The following KIAA1217 variants were observed in gnomAD, a reference collection of about 807,000 sequenced individuals.
The protein encoded by KIAA1217 is sickle tail protein homolog.
In KIAA1217, 88 loss-of-function variants were observed where a neutral mutation model predicts 163.9. The ratio of observed to expected loss-of-function variants is 0.54; its 90% CI spans 0.45 to 0.64. The LOEUF is 0.64. KIAA1217 is among the 30% of genes least tolerant of loss of function. KIAA1217 has a pLI of 0.00. For missense variants in KIAA1217, 2,372 were observed against 2,475.0 expected, an observed-to-expected ratio of 0.96 and a Z score of 0.88; for synonymous variants, 903 against 923.1, an observed-to-expected ratio of 0.98 and a Z score of 0.39.
intron 7 of KIAA1217, 27 bp from the exon 8 acceptor site, chr10:24,495,120 A>C (rs1182956572): frequency 6.3e-7 from 1 of 1,598,196 alleles, no homozygotes; most frequent in South Asian, 1.1e-5. Flanking sequence ...GAAACTGCAT[A>C]GCTGACTCTC....
At chr10:24,260,889 T>C (rs1474386857) in intron 2 of KIAA1217, among the ~76,000 whole-genome samples, 1 of 152,172 alleles carries the variant, frequency 6.6e-6, no homozygotes, top group African/African-American at 2.4e-5. Flanking sequence ...CTGTTCTGTC[T>C]GTGAATAGAG....
intron 2 of KIAA1217, among the ~76,000 whole-genome samples, chr10:24,248,702 CCTCATACCTAAACCTTACCT>C (rs947307124): frequency 3.4e-5 from 5 of 146,170 alleles, no homozygotes; most frequent in African/African-American, 1.0e-4. Context: ...AAAAAATGTC[CCTCATACCTAAACCTTACCT>C]CTTGCTAATT....
chr10:24,180,420 G>A (rs902511880), intron 2 of KIAA1217, among the ~76,000 whole-genome samples: 2 of 151,458 alleles, frequency 1.3e-5, no homozygotes, highest in South Asian at 2.1e-4. Context: ...CTGAGTATCT[G>A]GGATTAAAGG....
chr10:23,968,327 T>A (rs982705722), intron 1 of KIAA1217, among the ~76,000 whole-genome samples: 6 of 152,232 alleles, frequency 3.9e-5, no homozygotes, highest in Non-Finnish European at 8.8e-5. Context: ...TGAATGAAGT[T>A]GATGGGTATA....
chr10:23,897,811 T>C (rs1171367608), intron 1 of KIAA1217, among the ~76,000 whole-genome samples: 1 of 152,222 alleles, frequency 6.6e-6, no homozygotes, highest in Middle Eastern at 3.4e-3. Flanking sequence ...TTATATAAAA[T>C]GTAAATCTTC....
rs749524807 is a variant in KIAA1217 at position 24,212,729 on chromosome 10, A to G, written c.70+3466A>G. 1.1e-4 allele frequency among the ~76,000 whole-genome samples: 16 copies of G among 152,294 alleles called. No individual in the cohort carries two copies. The South Asian group carries it at 1.4e-3, about 14-fold the overall frequency. ...CCATAACGTTCATTTCTATCATTGC[A>G]TTCTCTCTTGTGTCTGCCTGTGTAT... On this transcript the variant is annotated intron_variant, in intron 1 of 20. Coordinates refer to ENST00000376454, the MANE Select transcript of KIAA1217 (RefSeq NM_019590.5).
intron 1 of KIAA1217, among the ~76,000 whole-genome samples, chr10:23,856,812 G>A (rs1195121618): frequency 1.3e-5 from 2 of 152,260 alleles, no homozygotes; most frequent in Admixed American, 6.5e-5. Context: ...GACACTGCCA[G>A]CCATGTGCGG....
chr10:23,998,382 A>G (rs910847276), intron 1 of KIAA1217, among the ~76,000 whole-genome samples: 2 of 152,212 alleles, frequency 1.3e-5, no homozygotes, highest in Non-Finnish European at 2.9e-5. Context: ...ATCAGTGGCC[A>G]TGCACTTGCC....
intron 5 of KIAA1217, among the ~76,000 whole-genome samples, chr10:24,460,311 C>G (rs919203690): frequency 6.6e-6 from 1 of 152,140 alleles, no homozygotes; most frequent in African/African-American, 2.4e-5. Context: ...GAGAATTTCC[C>G]CAGCTCACAC....
At chr10:24,192,957 C>T (rs1017256386) in intron 2 of KIAA1217, among the ~76,000 whole-genome samples, 5 of 151,648 alleles carry the variant, frequency 3.3e-5, no homozygotes, top group African/African-American at 1.2e-4. Context: ...TTTTAAATTT[C>T]TTTTTGGAGA....
At chr10:24,337,580 T>C (rs2046504505) in intron 2 of KIAA1217, among the ~76,000 whole-genome samples, 1 of 151,812 alleles carries the variant, frequency 6.6e-6, no homozygotes, top group South Asian at 2.1e-4. Context: ...TGTTTTTGTT[T>C]TGTGTGGTTT....
chr10:24,140,977 T>C (rs2064041640), intron 2 of KIAA1217, among the ~76,000 whole-genome samples: 2 of 152,122 alleles, frequency 1.3e-5, no homozygotes, highest in East Asian at 1.9e-4. Flanking sequence ...GTCTCTCCCA[T>C]TGAATGCAAC....
intron 2 of KIAA1217, among the ~76,000 whole-genome samples, chr10:24,367,811 T>C (rs1029359241): frequency 4.6e-5 from 7 of 152,062 alleles, no homozygotes; most frequent in Admixed American, 3.9e-4. Context: ...GTGGGGGAGG[T>C]ATACTATGAT....
chr10:23,818,901 C>T (rs993925585), intron 1 of KIAA1217, among the ~76,000 whole-genome samples: 1 of 152,134 alleles, frequency 6.6e-6, no homozygotes, highest in African/African-American at 2.4e-5. Flanking sequence ...AGCTCTTAGT[C>T]TCAACAAAAC....
chr10:23,920,658 T>G (rs1181948654), intron 1 of KIAA1217, among the ~76,000 whole-genome samples: 1 of 152,196 alleles, frequency 6.6e-6, no homozygotes, highest in African/African-American at 2.4e-5. Context: ...TCTGACCTCC[T>G]TTTGAACAGT....
intron 1 of KIAA1217, among the ~76,000 whole-genome samples, chr10:23,732,161 C>G (rs960596030): frequency 7.9e-5 from 12 of 151,870 alleles, no homozygotes; most frequent in African/African-American, 2.4e-4. Context: ...GTAAAGAGCT[C>G]GTGTAATTTC....
In KIAA1217 at chr10:24,543,001, A is replaced by G; in HGVS notation, c.3731A>G (p.Asn1244Ser). The stretch of plus-strand genomic sequence containing the variant: ...AAAACTGAGATCATAATGAAGGAAA[A>G]TTCCATATCCAATATGAGTTTACTC... ...EYKTEIIMKENSISNMSLLRD... is the reference protein window; with the variant it reads ...EYKTEIIMKESSISNMSLLRD... Residue 1244 changes from asparagine (N) to serine (S), a missense_variant, in exon 19 of 21, where the codon AAT (asparagine) becomes AGT (serine). Physicochemically the swap from Asn to Ser is conservative, Grantham distance 46. Around this residue, in one of 3 missense-constraint regions of KIAA1217, gnomAD observed 251 missense variants for 327.3 expected, o/e 0.77. Coordinates refer to ENST00000376454, the MANE Select transcript of KIAA1217 (RefSeq NM_019590.5). 1 of 1,614,026 alleles carries G rather than the reference A, an allele frequency of 6.2e-7. No individual in the cohort carries two copies. Among genetic ancestry groups the G allele is most frequent in the South Asian group, 1.1e-5 (1 of 91,062 alleles).
chr10:24,057,585 C>T (rs546527740), intron 2 of KIAA1217, among the ~76,000 whole-genome samples: 3 of 152,148 alleles, frequency 2.0e-5, no homozygotes, highest in Non-Finnish European at 4.4e-5. Flanking sequence ...TCATCCATGT[C>T]GTGGCACATT....
intron 13 of KIAA1217, 88 bp from the exon 14 acceptor site, chr10:24,527,848 C>T: frequency 9.9e-7 from 1 of 1,006,130 alleles, no homozygotes; most frequent in African/African-American, 1.6e-5. Flanking sequence ...TCTCCTTCCT[C>T]CCACCCTCCA....
Sources: allele counts gnomAD v4.1 joint callset (sites outside exome capture counted in the v4.1 genomes callset), GRCh38; gene constraint gnomAD v4.1.1; regional missense constraint gnomAD v4.1.1; transcripts MANE v1.5; gene names NCBI Gene and HGNC (gene_info 2026-07-23, HGNC 2026-07-21).